XPR1: variants seen among roughly 807,000 people sequenced by gnomAD.
XPR1 encodes the protein solute carrier family 53 member 1.
XPR1 carries 28 observed loss-of-function variants against 87.5 expected under a neutral mutation model. The ratio of observed to expected loss-of-function variants is 0.32; its 90% CI spans 0.24 to 0.44. The LOEUF is 0.44. Ranked by LOEUF, XPR1 falls within the 20% of genes least tolerant of loss-of-function variation. XPR1 has a pLI of 1.00. For synonymous variants in XPR1, 300 were observed against 306.1 expected (o/e 0.98, Z 0.21); for missense variants, 559 against 862.3 (o/e 0.65, Z 4.41).
chr1:180,754,109 T>C (rs1647633340), intron 2 of XPR1, among the ~76,000 whole-genome samples: 1 of 152,228 alleles, frequency 6.6e-6, no homozygotes, highest in African/African-American at 2.4e-5. Flanking sequence ...AGTTTCATTT[T>C]CTTCATTGCC....
intron 11 of XPR1, among the ~76,000 whole-genome samples, chr1:180,837,740 G>A (rs1212619376): frequency 1.3e-5 from 2 of 152,102 alleles, no homozygotes; most frequent in African/African-American, 2.4e-5. Flanking sequence ...TGTCAGTGAA[G>A]GAAACACATC....
intron 7 of XPR1, among the ~76,000 whole-genome samples, chr1:180,820,659 A>C (rs1486627569): frequency 1.3e-5 from 2 of 152,154 alleles, no homozygotes; most frequent in African/African-American, 4.8e-5. Context: ...CAGAGGCTTT[A>C]CCATTTTCCA....
At chr1:180,836,877 G>T in intron 11 of XPR1, 161 bp downstream of exon 11, 1 of 769,890 alleles carries the variant, frequency 1.3e-6, no homozygotes, top group East Asian at 2.6e-5. Flanking sequence ...TGCAGTTTTA[G>T]TCTCATTCCA....
intron 2 of XPR1, among the ~76,000 whole-genome samples, chr1:180,748,680 A>G (rs900044867): frequency 6.6e-6 from 1 of 151,730 alleles, no homozygotes; most frequent in Non-Finnish European, 1.5e-5. Flanking sequence ...AGCCTCCCAA[A>G]GTGCTGGGAT....
At chr1:180,796,326 C>T (rs912390906) in intron 3 of XPR1, among the ~76,000 whole-genome samples, 1 of 152,024 alleles carries the variant, frequency 6.6e-6, no homozygotes, top group African/African-American at 2.4e-5. Context: ...ACCTATACCC[C>T]TTTGATAGAT....
At chr1:180,785,011 T>TTGTGTGTGTGTG (rs1186269708) in intron 2 of XPR1, among the ~76,000 whole-genome samples, 6,283 of 136,280 alleles carry the variant, frequency 0.046, 219 homozygotes, top group Non-Finnish European at 0.055. Context: ...GTGTGTGTGT[T>TTGTGTGTGTGTG]TGTGTGTGTG....
chr1:180,632,054 G>T lies in XPR1; in HGVS notation c.-148G>T, dbSNP rs111298273. The T allele has an allele frequency of 0.019, 17,035 of 873,848 alleles. 257 individuals are homozygous for T. The highest frequency in any genetic ancestry group is 0.022 in the Non-Finnish European group (11,730 of 536,562). The allele number at this position is 873,848 out of a possible 1,614,324, so 54.1% of individuals were successfully genotyped here. The stretch of plus-strand genomic sequence containing the variant: ...GGAGGAGGAAGATGGCGGGCGGGCT[G>T]CTCTGAAGAGACCTCGGCGGCGGCG... On this transcript the variant is annotated 5_prime_UTR_variant, in exon 1 of 15. Transcript: ENST00000367590.
chr1:180,771,331 A>G (rs1648504753), intron 2 of XPR1, among the ~76,000 whole-genome samples: 1 of 151,806 alleles, frequency 6.6e-6, no homozygotes, highest in African/African-American at 2.4e-5. Flanking sequence ...AATTAATCTG[A>G]TTTTGTATGA....
chr1:180,873,962 G>A lies in XPR1; in HGVS notation c.1808+20G>A, dbSNP rs1652583230. 1 of 1,601,636 alleles carries A rather than the reference G, an allele frequency of 6.2e-7. No individual in the cohort carries two copies. The highest frequency in any genetic ancestry group is 8.5e-7 in the Non-Finnish European group (1 of 1,174,228). On this transcript the variant is annotated intron_variant, in intron 13 of 14. Coordinates refer to ENST00000367590, the MANE Select transcript of XPR1 (RefSeq NM_004736.4). The stretch of plus-strand genomic sequence containing the variant: ...TTTCCGGTAAGCAAACTACTGAAAA[G>A]TTTATTAAAGATTCTTTTTAACCTA...
At chr1:180,774,384 C>CTTTTTT (rs71121051) in intron 2 of XPR1, among the ~76,000 whole-genome samples, 13 of 68,890 alleles carry the variant, frequency 1.9e-4, no homozygotes, top group Admixed American at 3.7e-4. Flanking sequence ...TCTTTCCTAT[C>CTTTTTT]TTTTTTTTTT....
intron 11 of XPR1, among the ~76,000 whole-genome samples, chr1:180,851,799 T>G (rs1183126638): frequency 6.6e-6 from 1 of 152,164 alleles, no homozygotes; most frequent in South Asian, 2.1e-4. Context: ...AAGGAAGTCC[T>G]AAATGGTGTC....
intron 2 of XPR1, among the ~76,000 whole-genome samples, chr1:180,751,856 A>G (rs557460913): frequency 6.6e-6 from 1 of 152,260 alleles, no homozygotes; most frequent in African/African-American, 2.4e-5. Flanking sequence ...AATTTTAAGT[A>G]TGTAAAGGGA....
intron 2 of XPR1, among the ~76,000 whole-genome samples, chr1:180,722,866 C>G (rs1449050455): frequency 6.6e-6 from 1 of 152,036 alleles, no homozygotes; most frequent in Non-Finnish European, 1.5e-5. Flanking sequence ...ATTATTTGTC[C>G]CCCAAGACCT....
Position 180,632,112 on chromosome 1 carries a change from C to A in XPR1, c.-90C>A, listed in dbSNP as rs1183186208. The stretch of plus-strand genomic sequence containing the variant: ...AGAGAAGCGCAGCGCCGCGCCGCGC[C>A]GGGGCCCATGTGGGGAGGAGTCGGA... On this transcript the variant is annotated 5_prime_UTR_variant, in exon 1 of 15. Coordinates refer to ENST00000367590, the MANE Select transcript of XPR1 (RefSeq NM_004736.4). 5 of 1,478,776 alleles carry A rather than the reference C, an allele frequency of 3.4e-6. No individual in the cohort carries two copies. The highest frequency in any genetic ancestry group is 4.6e-6 in the Non-Finnish European group (5 of 1,081,442). 91.6% of individuals were successfully genotyped at this position (1,478,776 alleles called of 1,614,324 possible).
chr1:180,864,943 A>G (rs1316309738), intron 12 of XPR1, among the ~76,000 whole-genome samples: 1 of 152,218 alleles, frequency 6.6e-6, no homozygotes, highest in Non-Finnish European at 1.5e-5. Flanking sequence ...ATCTTTTCCC[A>G]GTCTAAAATT....
At chr1:180,743,593 C>G (rs1391269429) in intron 2 of XPR1, among the ~76,000 whole-genome samples, 1 of 152,136 alleles carries the variant, frequency 6.6e-6, no homozygotes, top group Non-Finnish European at 1.5e-5. Flanking sequence ...GATTTTCCTT[C>G]ATTCCTGATG....
intron 7 of XPR1, among the ~76,000 whole-genome samples, chr1:180,817,241 TAA>T (rs1452040810): frequency 9.2e-5 from 14 of 152,338 alleles, no homozygotes; most frequent in Admixed American, 8.5e-4. Context: ...AAAAATTTTT[TAA>T]GTTTATAAAG....
chr1:180,854,910 A>G (rs886299275), intron 11 of XPR1, among the ~76,000 whole-genome samples: 1 of 152,210 alleles, frequency 6.6e-6, no homozygotes, highest in Admixed American at 6.5e-5. Context: ...GGGACACATT[A>G]TATGTGTAGG....
chr1:180,643,517 GCA>G (rs1346640055), intron 1 of XPR1, among the ~76,000 whole-genome samples: 1 of 152,120 alleles, frequency 6.6e-6, no homozygotes, highest in African/African-American at 2.4e-5. Flanking sequence ...CCATCATCTA[GCA>G]CAGTGTGTTT....
Sources: gnomAD v4.1 joint callset for allele counts (sites outside exome capture counted in the v4.1 genomes callset) on GRCh38, gnomAD v4.1.1 for gene constraint, MANE v1.5 for transcripts, NCBI Gene and HGNC (gene_info 2026-07-23, HGNC 2026-07-21) for gene names.